Variants in BMAL1 observed in about 807,000 individuals in gnomAD.
BMAL1 encodes the protein basic helix-loop-helix ARNT-like protein 1.
the BMAL1 span, among the ~76,000 whole-genome samples, chr11:13,308,490 C>T: frequency 3.1e-3 from 467 of 152,136 alleles, 3 homozygotes; most frequent in African/African-American, 9.6e-3. Context: ...GGACTGAACA[C>T]GCTGACATAA....
chr11:13,318,544 GTTTTT>G, the BMAL1 span, among the ~76,000 whole-genome samples: 3 of 49,320 alleles, frequency 6.1e-5, no homozygotes, highest in African/African-American at 1.5e-4. Flanking sequence ...AAGACACTTA[GTTTTT>G]TTTTTTTTTT....
chr11:13,326,810 C>T, the BMAL1 span, among the ~76,000 whole-genome samples: 2 of 151,334 alleles, frequency 1.3e-5, no homozygotes, highest in African/African-American at 4.8e-5. Flanking sequence ...TAGTGGCTCA[C>T]TGTTGTTTTG....
the BMAL1 span, among the ~76,000 whole-genome samples, chr11:13,312,447 G>A: frequency 6.6e-6 from 1 of 152,130 alleles, no homozygotes; most frequent in African/African-American, 2.4e-5. Context: ...CCACTTCTTA[G>A]GAGTCTATTG....
the BMAL1 span, among the ~76,000 whole-genome samples, chr11:13,367,313 C>T: frequency 6.6e-6 from 1 of 152,202 alleles, no homozygotes; most frequent in Admixed American, 6.5e-5. Context: ...CCCCAGCTTC[C>T]TGCTACTGCA....
the BMAL1 span, chr11:13,376,848 C>T: frequency 1.7e-5 from 15 of 884,932 alleles, no homozygotes; most frequent in African/African-American, 2.4e-4. Context: ...AGGGAGGCCT[C>T]GAGGGGATGA....
chr11:13,348,576 A>AT, the BMAL1 span, among the ~76,000 whole-genome samples: 2 of 152,046 alleles, frequency 1.3e-5, no homozygotes, highest in African/African-American at 4.8e-5. Flanking sequence ...TGGGTTGCTA[A>AT]TTTGGGGGCT....
chr11:13,350,753 C>A, the BMAL1 span, among the ~76,000 whole-genome samples: 1 of 151,954 alleles, frequency 6.6e-6, no homozygotes, highest in African/African-American at 2.4e-5. Context: ...TTAAAAAAAT[C>A]ATTAAAATCT....
the BMAL1 span, among the ~76,000 whole-genome samples, chr11:13,320,968 C>T: frequency 9.9e-5 from 15 of 152,252 alleles, no homozygotes; most frequent in African/African-American, 2.9e-4. Context: ...AATAAATATA[C>T]GGCTGTATCC....
chr11:13,369,590 T>G, the BMAL1 span: 3 of 1,613,054 alleles, frequency 1.9e-6, no homozygotes, highest in African/African-American at 1.3e-5. Flanking sequence ...TGCTCTCAGT[T>G]TATCACATTT....
the BMAL1 span, among the ~76,000 whole-genome samples, chr11:13,285,371 G>T: frequency 6.6e-6 from 1 of 152,212 alleles, no homozygotes; most frequent in Non-Finnish European, 1.5e-5. Flanking sequence ...AAAACAAGGG[G>T]CCCGCAGGAG....
chr11:13,377,411 C>G, the BMAL1 span, among the ~76,000 whole-genome samples: 1 of 152,188 alleles, frequency 6.6e-6, no homozygotes. Context: ...GTCTCTCCCC[C>G]ATTATATCTA....
chr11:13,352,079 G>A, the BMAL1 span, among the ~76,000 whole-genome samples: 1 of 152,270 alleles, frequency 6.6e-6, no homozygotes, highest in East Asian at 1.9e-4. Flanking sequence ...TCGAGGAGGT[G>A]GGAGAGGTAG....
chr11:13,364,023 C>T, the BMAL1 span, among the ~76,000 whole-genome samples: 1 of 152,168 alleles, frequency 6.6e-6, no homozygotes, highest in African/African-American at 2.4e-5. Context: ...CTGACCCTGC[C>T]CAGCATTACC....
At chr11:13,361,513 A>C in the BMAL1 span, among the ~76,000 whole-genome samples, 1 of 152,186 alleles carries the variant, frequency 6.6e-6, no homozygotes, top group African/African-American at 2.4e-5. Flanking sequence ...TCTAGAGTAG[A>C]GGGTAGTCCA....
the BMAL1 span, among the ~76,000 whole-genome samples, chr11:13,329,200 A>T: frequency 6.6e-6 from 1 of 151,762 alleles, no homozygotes; most frequent in Admixed American, 6.6e-5. Flanking sequence ...CACAGGAAGG[A>T]CCCCTTTACG....
chr11:13,386,770 C>T, the BMAL1 span: 10 of 1,611,756 alleles, frequency 6.2e-6, no homozygotes, highest in Non-Finnish European at 8.5e-6. Flanking sequence ...CTACATGTTG[C>T]TTTGGCAACA....
At chr11:13,369,559 C>A in the BMAL1 span, 2 of 1,597,076 alleles carry the variant, frequency 1.3e-6, no homozygotes, top group Non-Finnish European at 1.7e-6. Context: ...AGGTCACACT[C>A]CCCCTCCTGA....
the BMAL1 span, chr11:13,379,238 T>C: frequency 2.6e-5 from 4 of 152,224 alleles, no homozygotes; most frequent in African/African-American, 9.6e-5. Context: ...GGGAAGCAGT[T>C]ATCATAAGTC....
chr11:13,280,870 C>G, the BMAL1 span, among the ~76,000 whole-genome samples: 1 of 152,200 alleles, frequency 6.6e-6, no homozygotes, highest in South Asian at 2.1e-4. Flanking sequence ...TCAGAGAAAG[C>G]AAGTGGACCT....
Sources: gnomAD v4.1 joint callset for allele counts (sites outside exome capture counted in the v4.1 genomes callset) on GRCh38, gnomAD v4.1.1 for gene constraint, MANE v1.5 for transcripts, NCBI Gene and HGNC (gene_info 2026-07-23, HGNC 2026-07-21) for gene names.